Variants in DACH2 observed in about 807,000 individuals in gnomAD.
DACH2 encodes the protein dachshund family transcription factor 2.
In DACH2, 17 loss-of-function variants were observed where a neutral mutation model predicts 35.8. The observed-to-expected ratio is 0.48, with a 90% confidence interval of 0.33 to 0.71. The LOEUF is 0.71. DACH2 is among the 30% of genes least tolerant of loss of function. The pLI is 0.02. For missense variants in DACH2, 469 were observed against 472.7 expected, an observed-to-expected ratio of 0.99 and a Z score of 0.07; for synonymous variants, 195 against 177.3, an observed-to-expected ratio of 1.10 and a Z score of -0.79.
At chrX:86,163,769 T>C (rs770428863) in intron 1 of DACH2, among the ~76,000 whole-genome samples, 2 of 112,030 alleles carry the variant, frequency 1.8e-5, no homozygotes, top group South Asian at 7.5e-4. Context: ...TCGTTTTTTA[T>C]GGCTGCATAA....
chrX:86,287,666 C>T (rs1041131607), intron 1 of DACH2, among the ~76,000 whole-genome samples: 2 of 111,890 alleles, frequency 1.8e-5, no homozygotes, highest in Non-Finnish European at 3.8e-5. Context: ...ATTGATTCTA[C>T]TTTTAAGACT....
chrX:86,519,014 A>T (rs191273514), intron 3 of DACH2, among the ~76,000 whole-genome samples: 1 of 112,292 alleles, frequency 8.9e-6, no homozygotes, highest in African/African-American at 3.2e-5. Context: ...CCCATTCAGT[A>T]TAATGTTGGC....
At chrX:86,273,866 G>T (rs887312556) in intron 1 of DACH2, among the ~76,000 whole-genome samples, 2 of 112,539 alleles carry the variant, frequency 1.8e-5, no homozygotes, top group Non-Finnish European at 3.8e-5. Flanking sequence ...GTGGATCACA[G>T]AAATAATATG....
At chrX:86,803,122 C>A (rs759736303) in intron 7 of DACH2, among the ~76,000 whole-genome samples, 1 of 111,800 alleles carries the variant, frequency 8.9e-6, no homozygotes, top group African/African-American at 3.2e-5. Context: ...AACTTCTAGT[C>A]TGTTTCTGGA....
chrX:86,581,613 AC>A (rs1321395671), intron 3 of DACH2, among the ~76,000 whole-genome samples: 8 of 110,102 alleles, frequency 7.3e-5, no homozygotes, highest in African/African-American at 2.8e-4. Flanking sequence ...AGATTTCAGT[AC>A]AACAAAAAGA....
chrX:86,280,622 G>A (rs1228424577), intron 1 of DACH2, among the ~76,000 whole-genome samples: 1 of 112,087 alleles, frequency 8.9e-6, no homozygotes, highest in Non-Finnish European at 1.9e-5. Flanking sequence ...AAATGTAAAT[G>A]GGCTAAATGC....
intron 1 of DACH2, among the ~76,000 whole-genome samples, chrX:86,346,095 T>A (rs1022382387): frequency 9.0e-6 from 1 of 111,361 alleles, no homozygotes; most frequent in Admixed American, 9.7e-5. Context: ...ACTGGCAACA[T>A]CAAAGAAGAC....
intron 3 of DACH2, among the ~76,000 whole-genome samples, chrX:86,601,906 A>G (rs1477537524): frequency 8.9e-6 from 1 of 112,242 alleles, no homozygotes; most frequent in Non-Finnish European, 1.9e-5. Flanking sequence ...ATGAAAATTC[A>G]CTATTTAGAG....
At chrX:86,489,692 C>A (rs1602576378) in intron 2 of DACH2, among the ~76,000 whole-genome samples, 1 of 111,643 alleles carries the variant, frequency 9.0e-6, no homozygotes, top group Non-Finnish European at 1.9e-5. Flanking sequence ...TCATAAATTA[C>A]ATTTTAGTCT....
chrX:86,151,414 A>G (rs1039769352), intron 1 of DACH2, among the ~76,000 whole-genome samples: 2 of 111,385 alleles, frequency 1.8e-5, no homozygotes, highest in Admixed American at 1.9e-4. Flanking sequence ...TTATATTCAT[A>G]TTTTAAAACT....
intron 2 of DACH2, among the ~76,000 whole-genome samples, chrX:86,384,699 AAAATGTGAAGTTGTTTTAAAATAAAT>A (rs2036097048): frequency 8.9e-6 from 1 of 112,048 alleles, no homozygotes; most frequent in Non-Finnish European, 1.9e-5. Flanking sequence ...AATCAGCAAT[AAAATGTGAAGTTGTTTTAAAATAAAT>A]CCATTAGAAA....
At chrX:86,526,908 C>A (rs2038642365) in intron 3 of DACH2, among the ~76,000 whole-genome samples, 1 of 109,779 alleles carries the variant, frequency 9.1e-6, no homozygotes, top group African/African-American at 3.3e-5. Flanking sequence ...GTGTTACTTG[C>A]ATAATCAAGG....
chrX:86,408,717 C>T (rs2036564017), intron 2 of DACH2, among the ~76,000 whole-genome samples: 1 of 111,438 alleles, frequency 9.0e-6, no homozygotes, highest in Admixed American at 9.6e-5. Flanking sequence ...CGGATATGCA[C>T]TTTCTAATTA....
chrX:86,398,623 A>T (rs866735189), intron 2 of DACH2, among the ~76,000 whole-genome samples: 3 of 111,693 alleles, frequency 2.7e-5, no homozygotes, highest in African/African-American at 9.8e-5. Flanking sequence ...GAATATCTTT[A>T]TTTCTGCCTT....
chrX:86,390,975 T>C (rs1481354052), intron 2 of DACH2, among the ~76,000 whole-genome samples: 1 of 110,164 alleles, frequency 9.1e-6, no homozygotes, highest in Admixed American at 9.8e-5. Context: ...TTCTTTAATA[T>C]TTGGAGCTTT....
At chrX:86,368,544 T>G (rs1330969402) in intron 1 of DACH2, among the ~76,000 whole-genome samples, 1 of 99,912 alleles carries the variant, frequency 1.0e-5, no homozygotes, top group East Asian at 3.4e-4. Flanking sequence ...ATAGTCAATA[T>G]TTTTACTTTC....
intron 2 of DACH2, among the ~76,000 whole-genome samples, chrX:86,429,773 G>C (rs2036956653): frequency 9.0e-6 from 1 of 111,166 alleles, no homozygotes; most frequent in East Asian, 2.8e-4. Context: ...ATGTTGGCCA[G>C]GCTGTTCTTG....
intron 1 of DACH2, among the ~76,000 whole-genome samples, chrX:86,244,975 T>C (rs959877138): frequency 2.7e-5 from 3 of 111,768 alleles, no homozygotes; most frequent in Admixed American, 9.5e-5. Context: ...ATGCAGTCTT[T>C]ATTATTTAAT....
chrX:86,229,264 A>G (rs2032895594), intron 1 of DACH2, among the ~76,000 whole-genome samples: 1 of 111,761 alleles, frequency 8.9e-6, no homozygotes, highest in Non-Finnish European at 1.9e-5. Flanking sequence ...TTTGTCGAAG[A>G]TCAGTTGGCT....
Sources: allele counts gnomAD v4.1 joint callset (sites outside exome capture counted in the v4.1 genomes callset), GRCh38; gene constraint gnomAD v4.1.1; transcripts MANE v1.5; gene names NCBI Gene and HGNC (gene_info 2026-07-23, HGNC 2026-07-21).